SNRPN: variants seen among roughly 807,000 people sequenced by gnomAD.
The protein encoded by SNRPN is small nuclear ribonucleoprotein polypeptide N.
In SNRPN, 7 loss-of-function variants were observed where a neutral mutation model predicts 25.2. The observed-to-expected ratio is 0.28, with a 90% CI of 0.16 to 0.52. The LOEUF (loss-of-function observed/expected upper bound fraction) is 0.52, where lower values mean the gene tolerates loss of function less well. Among genes scored for constraint, SNRPN ranks in the 20% least tolerant of loss-of-function variants. The probability of loss-of-function intolerance (pLI) is 0.96; values close to 1 mark genes in which losing one functional copy is unlikely to be tolerated. For synonymous variants in SNRPN, 124 were observed against 110.6 expected (o/e 1.12, Z -0.76); for missense variants, 196 against 322.5 (o/e 0.61, Z 3.00).
At chr15:24,908,278 C>A (rs1595837958) in intron 2 of SNRPN, among the ~76,000 whole-genome samples, 2 of 151,964 alleles carry the variant, frequency 1.3e-5, no homozygotes, top group Admixed American at 1.3e-4. Flanking sequence ...GGCAGTGTTG[C>A]AATAACAAAT....
At chr15:24,898,481 G>A (rs1413228499) in intron 2 of SNRPN, among the ~76,000 whole-genome samples, 2 of 151,958 alleles carry the variant, frequency 1.3e-5, no homozygotes, top group Non-Finnish European at 2.9e-5. Flanking sequence ...CCAGCTACTC[G>A]GGAGAGTGAG....
At chr15:24,901,597 CTG>C (rs1280459203) in intron 2 of SNRPN, among the ~76,000 whole-genome samples, 3 of 152,112 alleles carry the variant, frequency 2.0e-5, no homozygotes, top group Admixed American at 1.3e-4. Context: ...TGTTGCCACT[CTG>C]TGCATGACCA....
chr15:24,945,758 TGGGATTTTCTAAGAA>T (rs1411113387), intron 3 of SNRPN, among the ~76,000 whole-genome samples: 1 of 152,162 alleles, frequency 6.6e-6, no homozygotes, highest in Non-Finnish European at 1.5e-5. Context: ...GAGCCTATCT[TGGGATTTTCTAAGAA>T]GGTTGCTATT....
At chr15:24,945,654 G>A (rs949841714) in intron 3 of SNRPN, among the ~76,000 whole-genome samples, 1 of 152,204 alleles carries the variant, frequency 6.6e-6, no homozygotes, top group Admixed American at 6.5e-5. Flanking sequence ...TATGTGCAAA[G>A]GCCATGGGTG....
intron 1 of SNRPN, among the ~76,000 whole-genome samples, chr15:24,961,069 A>G (rs921288743): frequency 1.3e-5 from 2 of 151,806 alleles, no homozygotes; most frequent in African/African-American, 4.8e-5. Context: ...GTGTTTTCGG[A>G]ACTTTATTTT....
chr15:24,919,821 C>T (rs2059931173), intron 2 of SNRPN, among the ~76,000 whole-genome samples: 1 of 152,152 alleles, frequency 6.6e-6, no homozygotes. Context: ...AGGTGCCTGA[C>T]TAATGTTTGA....
At chr15:24,851,594 G>A, upstream of SNRPN, 1 of 152,710 alleles carries the variant, frequency 6.5e-6, no homozygotes, top group African/African-American at 2.4e-5. Flanking sequence ...CTGTGAAGGG[G>A]AGAGTGGGCA....
chr15:24,954,103 C>CT (rs1252972199), upstream of SNRPN, among the ~76,000 whole-genome samples: 1 of 152,182 alleles, frequency 6.6e-6, no homozygotes, highest in East Asian at 1.9e-4. Flanking sequence ...TCTGCAGTGT[C>CT]TTTTCCCAAG....
chr15:24,947,265 C>T (rs1198494828), intron 3 of SNRPN, among the ~76,000 whole-genome samples: 4 of 152,162 alleles, frequency 2.6e-5, no homozygotes, highest in Non-Finnish European at 5.9e-5. Flanking sequence ...AAGTACTCCT[C>T]ATGGAAGGGA....
At chr15:24,859,680 C>A (rs545808123) in intron 1 of SNRPN, among the ~76,000 whole-genome samples, 1 of 152,168 alleles carries the variant, frequency 6.6e-6, no homozygotes, top group Non-Finnish European at 1.5e-5. Context: ...TGAAAGCAAG[C>A]TTACTAAGAA....
chr15:24,866,957 T>C (rs1230723718), intron 1 of SNRPN, among the ~76,000 whole-genome samples: 2 of 152,186 alleles, frequency 1.3e-5, no homozygotes, highest in Non-Finnish European at 2.9e-5. Context: ...TTCCGTATGT[T>C]TGCTATTGTG....
At chr15:24,849,018 C>T (rs1266932892) in intron 2 of SNRPN, 2 of 152,272 alleles carry the variant, frequency 1.3e-5, no homozygotes, top group African/African-American at 4.8e-5. Flanking sequence ...GCAGTTCTGC[C>T]GCCGACTCCC....
chr15:24,886,614 A>G (rs2057225884), intron 2 of SNRPN: 1 of 151,918 alleles, frequency 6.6e-6, no homozygotes. Flanking sequence ...TGTTCCACTT[A>G]TGTTCCTGTC....
chr15:24,901,719 A>G (rs2058471452), intron 2 of SNRPN, among the ~76,000 whole-genome samples: 1 of 152,250 alleles, frequency 6.6e-6, no homozygotes, highest in Non-Finnish European at 1.5e-5. Flanking sequence ...TTTAAACAAC[A>G]TAAGGAGTCA....
At chr15:24,931,563 G>A (rs1026263475) in intron 3 of SNRPN, among the ~76,000 whole-genome samples, 1 of 151,764 alleles carries the variant, frequency 6.6e-6, no homozygotes, top group Non-Finnish European at 1.5e-5. Flanking sequence ...GGCTGGGCGG[G>A]GTGCCACACG....
chr15:24,879,019 T>TATATTTTTAAAATATATTTAAAAAA, intron 1 of SNRPN, among the ~76,000 whole-genome samples: 1 of 151,880 alleles, frequency 6.6e-6, no homozygotes, highest in Admixed American at 6.5e-5. Flanking sequence ...TTTTCAAAAA[T>TATATTTTTAAAATATATTTAAAAAA]ATATTTTTAA....
chr15:24,924,838 G>A (rs2060275451), intron 3 of SNRPN, among the ~76,000 whole-genome samples: 2 of 152,006 alleles, frequency 1.3e-5, no homozygotes, highest in Admixed American at 6.6e-5. Context: ...AAATGTGCAG[G>A]CAGGAAGAAA....
At chr15:24,848,246 C>CGGCGGCGGG (rs2052409144) in intron 2 of SNRPN, 6 of 37,188 alleles carry the variant, frequency 1.6e-4, no homozygotes, top group African/African-American at 4.2e-4. Context: ...GCGGGGGCGG[C>CGGCGGCGGG]GGCGGGGGCG....
chr15:24,953,764 C>G (rs2062467574), upstream of SNRPN, among the ~76,000 whole-genome samples: 1 of 152,152 alleles, frequency 6.6e-6, no homozygotes, highest in Non-Finnish European at 1.5e-5. Context: ...TATGATTCAG[C>G]CTAATACATC....
Sources: allele counts gnomAD v4.1 joint callset (sites outside exome capture counted in the v4.1 genomes callset), GRCh38; gene constraint gnomAD v4.1.1; transcripts MANE v1.5; gene names NCBI Gene and HGNC (gene_info 2026-07-23, HGNC 2026-07-21).